CETP: variants seen among roughly 807,000 people sequenced by gnomAD.
CETP encodes cholesteryl ester transfer protein.
In CETP, 56 loss-of-function variants were observed where a neutral mutation model predicts 66.5. The observed-to-expected ratio is 0.84, with a 90% CI of 0.68 to 1.05. The LOEUF is 1.05. Among genes scored for constraint, CETP ranks in the 50% least tolerant of loss-of-function variants. The pLI, the probability that CETP is intolerant of heterozygous loss-of-function variation, is 0.00. For synonymous variants in CETP, 251 were observed against 245.7 expected, an observed-to-expected ratio of 1.02 and a Z score of -0.20; for missense variants, 612 against 609.6, an observed-to-expected ratio of 1.00 and a Z score of -0.04.
At chr16:56,980,141 A>T (rs186668892) in intron 11 of CETP, among the ~76,000 whole-genome samples, 58 of 152,342 alleles carry the variant, frequency 3.8e-4, no homozygotes, top group African/African-American at 1.3e-3. Flanking sequence ...ACCAAACTCT[A>T]AACTTTATTT....
At position 56,978,127 on chromosome 16, in the gene CETP, G is replaced by C. The variant is rs141310739; in HGVS notation, c.1018G>C (p.Val340Leu). The C allele has an allele frequency of 5.6e-6, 9 of 1,614,220 alleles. No homozygotes were observed. In the South Asian group the frequency reaches 9.9e-5, roughly 18 times the overall value. The change falls in exon 11 of 16, where the codon GTC becomes CTC. Residue 340 changes from valine to leucine, a missense_variant. Physicochemically the swap from Val to Leu is conservative, Grantham distance 32 (BLOSUM62 1). Coordinates refer to ENST00000200676, the MANE Select transcript of CETP (RefSeq NM_000078.3). ...GGFPSQAQVT[V>L]HCLKMPKISC... ...CTTCCCCAGCCAGGCCCAAGTCACCGTCCACTGCCTCAAGATGCCCAAGAT... is the reference window on the plus strand; with the variant it reads ...CTTCCCCAGCCAGGCCCAAGTCACCCTCCACTGCCTCAAGATGCCCAAGAT...
At chr16:56,977,992 G>T in intron 10 of CETP, 99 bp from the exon 11 acceptor site, 5 of 1,479,458 alleles carry the variant, frequency 3.4e-6, no homozygotes, top group Non-Finnish European at 4.6e-6. Context: ...CCCAGCCCTG[G>T]GGCCCGGAGC....
At chr16:56,969,772 G>A (rs1387858932) in intron 4 of CETP, 91 bp downstream of exon 4, 1 of 1,569,232 alleles carries the variant, frequency 6.4e-7, no homozygotes, top group African/African-American at 1.3e-5. Flanking sequence ...GAGGGTTCTG[G>A]GGCCACCAAA....
intron 11 of CETP, among the ~76,000 whole-genome samples, chr16:56,980,435 G>A (rs1254453054): frequency 6.6e-6 from 1 of 152,192 alleles, no homozygotes; most frequent in Non-Finnish European, 1.5e-5. Flanking sequence ...GCCTCCCAAA[G>A]TGTTGGGATT....
chr16:56,975,288 C>A, intron 10 of CETP, 137 bp downstream of exon 10: 3 of 762,764 alleles, frequency 3.9e-6, no homozygotes, highest in South Asian at 3.2e-5. Flanking sequence ...CTCGGTTGTT[C>A]GGCATGGAGT....
At chr16:56,972,700 G>C (rs1300827635) in intron 8 of CETP, among the ~76,000 whole-genome samples, 4 of 152,198 alleles carry the variant, frequency 2.6e-5, no homozygotes, top group Non-Finnish European at 4.4e-5. Flanking sequence ...CCCCACCCTA[G>C]CTGCAAGGGA....
At position 56,977,730 on chromosome 16, in the gene CETP, T is replaced by TAAG. The variant is rs1449778284; in HGVS notation, c.982-361_982-360insAAG. Among the ~76,000 whole-genome samples the TAAG allele has an allele frequency of 1.9e-3, 295 of 152,320 alleles. 2 individuals are homozygous for TAAG. Among genetic ancestry groups the TAAG allele is most frequent in the South Asian group, 3.9e-3 (19 of 4,828 alleles). ...ATGCAGTAGGTCCTGTTCTAAGCTC[T>TAAG]TTCCACAGATTATCTCATTCCATCC... On this transcript the variant is annotated intron_variant, in intron 10 of 15. Transcript: ENST00000200676.
intron 2 of CETP, among the ~76,000 whole-genome samples, chr16:56,968,743 T>C (rs2141996284): frequency 6.6e-6 from 1 of 152,012 alleles, no homozygotes; most frequent in South Asian, 2.1e-4. Context: ...TTTTTTTTTT[T>C]TGCCAGTCTA....
At chr16:56,974,156 GTATAAAACAA>G (rs1445145796) in intron 9 of CETP, among the ~76,000 whole-genome samples, 20 of 152,090 alleles carry the variant, frequency 1.3e-4, no homozygotes, top group African/African-American at 2.4e-4. Flanking sequence ...CTTTTTCTGA[GTATAAAACAA>G]TATAAAACAA....
chr16:56,969,658 A>T lies in CETP; in HGVS notation c.416A>T (p.Asp139Val), dbSNP rs1185258873. Residue 139 changes from aspartate to valine, a missense_variant, in exon 4 of 16, where the codon GAC becomes GTC. Asp to Val is a radical substitution (Grantham distance 152). Transcript: ENST00000200676. ...SIDFEIDSAIDLQINTQLTCD... is the reference protein window; with the variant it reads ...SIDFEIDSAIVLQINTQLTCD... ...GACTTCGAGATCGACTCTGCCATTG[A>T]CCTCCAGATCAACACACAGCTGAGT... 1.9e-6 allele frequency: 3 copies of T among 1,613,230 alleles called. No homozygotes were observed. Among genetic ancestry groups the T allele is most frequent in the Non-Finnish European group, 2.5e-6 (3 of 1,179,850 alleles).
In CETP at chr16:56,978,024, C is replaced by T. The variant is rs891144; in HGVS notation, c.982-67C>T. On this transcript the variant is annotated intron_variant, in intron 10 of 15. Transcript: ENST00000200676. The stretch of plus-strand genomic sequence containing the variant: ...GAGCCAGCTTTGTCCTTCCCATCTC[C>T]GAGGGCATGGACTGCTGCTGCCCTG... 44,740 of 1,578,790 alleles carry T rather than the reference C, an allele frequency of 0.028. 2,344 individuals carry two copies. The highest frequency in any genetic ancestry group is 0.19 in the African/African-American group (13,822 of 74,182).
chr16:56,981,154 C>A lies in CETP; in HGVS notation c.1147-4C>A, dbSNP rs761584996. The stretch of plus-strand genomic sequence containing the variant: ...CTCACAGCAAATTTGGTTTCTCTCC[C>A]CAGGATATCGTGACTACCGTCCAGG... On this transcript the variant is annotated splice_region_variant and splice_polypyrimidine_tract_variant and intron_variant, in intron 11 of 15. Transcript: ENST00000200676. The A allele has an allele frequency of 6.2e-7, 1 of 1,612,546 alleles. No homozygotes were observed. Among genetic ancestry groups the A allele is most frequent in the Middle Eastern group, 1.7e-4 (1 of 6,058 alleles).
At position 56,973,315 on chromosome 16, in the gene CETP, T is replaced by C; in HGVS notation, c.751-16T>C. On this transcript the variant is annotated splice_polypyrimidine_tract_variant and intron_variant, in intron 8 of 15. Coordinates refer to ENST00000200676, the MANE Select transcript of CETP (RefSeq NM_000078.3). The stretch of plus-strand genomic sequence containing the variant: ...AGGGACACACAGGGTCCAGCCAGCG[T>C]CCTGGCTTCCTCCAGGGTCATTTCA... 6.2e-7 allele frequency: 1 copy of C among 1,613,840 alleles called. No homozygotes were observed. Among genetic ancestry groups the C allele is most frequent in the Non-Finnish European group, 8.5e-7 (1 of 1,179,826 alleles).
intron 11 of CETP, among the ~76,000 whole-genome samples, chr16:56,980,239 T>G (rs1478068578): frequency 6.6e-6 from 1 of 152,214 alleles, no homozygotes; most frequent in Non-Finnish European, 1.5e-5. Flanking sequence ...CCGTTCTTTT[T>G]TGTTGTTGTT....
intron 4 of CETP, 30 bp from the exon 5 acceptor site, chr16:56,969,884 G>GC: frequency 1.2e-6 from 2 of 1,609,868 alleles, no homozygotes; most frequent in Non-Finnish European, 1.7e-6. Context: ...AGCGGAGGCT[G>GC]CCCTGAGGTC....
rs147412224 is a variant in CETP at position 56,981,173 on chromosome 16, G to A, written c.1162G>A (p.Val388Ile). ...CTCTCCCCAGGATATCGTGACTACC[G>A]TCCAGGCCTCCTATTCTAAGAAAAA... Reference protein sequence around the residue: ...YTFEEDIVTTVQASYSKKKLF... With the variant: ...YTFEEDIVTTIQASYSKKKLF... The change falls in exon 12 of 16, where the codon GTC becomes ATC. Residue 388 changes from valine (V) to isoleucine (I), a missense_variant. Transcript: ENST00000200676. The A allele has an allele frequency of 7.3e-5, 118 of 1,613,442 alleles. No homozygotes were observed. Among genetic ancestry groups the A allele is most frequent in the Non-Finnish European group, 9.2e-5 (109 of 1,179,484 alleles).
At chr16:56,981,130 T>G in intron 11 of CETP, 28 bp from the exon 12 acceptor site, 1 of 1,571,318 alleles carries the variant, frequency 6.4e-7, no homozygotes, top group East Asian at 2.2e-5. Context: ...GAGCCCTGGC[T>G]CACAGCAAAT....
At chr16:56,972,338 C>T (rs772348408) in intron 8 of CETP, among the ~76,000 whole-genome samples, 3 of 152,166 alleles carry the variant, frequency 2.0e-5, no homozygotes, top group African/African-American at 7.2e-5. Context: ...CCAGCTCCTT[C>T]CTAGAGGGCT....
intron 2 of CETP, among the ~76,000 whole-genome samples, chr16:56,964,722 T>G (rs1445951325): frequency 6.6e-6 from 1 of 152,258 alleles, no homozygotes; most frequent in East Asian, 1.9e-4. Flanking sequence ...CCAGCGGTGC[T>G]GGATGCCACT....
Sources: allele counts gnomAD v4.1 joint callset (sites outside exome capture counted in the v4.1 genomes callset), GRCh38; gene constraint gnomAD v4.1.1; transcripts MANE v1.5; gene names NCBI Gene and HGNC (gene_info 2026-07-23, HGNC 2026-07-21).